AKAP6: variants seen among roughly 807,000 people sequenced by gnomAD.
The protein encoded by AKAP6 is A-kinase anchor protein 6.
Under a neutral mutation model 188.5 loss-of-function variants are expected in AKAP6, and 58 were observed. The observed-to-expected ratio is 0.31, with a 90% CI of 0.25 to 0.38. The LOEUF is 0.38. AKAP6 is among the 10% of genes least tolerant of loss of function. The probability of loss-of-function intolerance (pLI) is 1.00; values close to 1 mark genes in which losing one functional copy is unlikely to be tolerated. For synonymous variants in AKAP6, 989 were observed against 998.6 expected, an observed-to-expected ratio of 0.99 and a Z score of 0.18; for missense variants, 2,710 against 2,740.0, an observed-to-expected ratio of 0.99 and a Z score of 0.24.
intron 7 of AKAP6, among the ~76,000 whole-genome samples, chr14:32,624,127 A>G (rs1886920447): frequency 6.6e-6 from 1 of 152,176 alleles, no homozygotes; most frequent in Non-Finnish European, 1.5e-5. Flanking sequence ...TTAGTATTAG[A>G]AGATATTCAC....
chr14:32,455,648 C>T (rs867456407), intron 2 of AKAP6, among the ~76,000 whole-genome samples: 5 of 152,074 alleles, frequency 3.3e-5, no homozygotes, highest in South Asian at 2.1e-4. Flanking sequence ...AATTTGCTTG[C>T]CCTCTCCTCT....
At chr14:32,477,906 G>C (rs1951193) in intron 2 of AKAP6, among the ~76,000 whole-genome samples, 40,698 of 151,950 alleles carry the variant, frequency 0.27, 5,899 homozygotes, top group Non-Finnish European at 0.31. Flanking sequence ...CCTCATGGAG[G>C]TGCAATGAGC....
intron 11 of AKAP6, among the ~76,000 whole-genome samples, chr14:32,736,522 C>G (rs1016047083): frequency 2.0e-5 from 3 of 152,074 alleles, no homozygotes; most frequent in Admixed American, 2.0e-4. Flanking sequence ...AATGTTTTCC[C>G]CTATTGCCCA....
chr14:32,348,221 G>C (rs1887131853), intron 1 of AKAP6, among the ~76,000 whole-genome samples: 1 of 152,152 alleles, frequency 6.6e-6, no homozygotes, highest in Non-Finnish European at 1.5e-5. Context: ...GCCTATGGCA[G>C]GGATCACCTG....
chr14:32,823,222 G>C lies in AKAP6; in HGVS notation c.5409G>C (p.Gln1803His). 1 of 1,613,696 alleles carries C rather than the reference G, an allele frequency of 6.2e-7. No individual in the cohort carries two copies. Residue 1803 changes from glutamine to histidine, a missense_variant, in exon 13 of 14, where the codon CAG (glutamine) becomes CAC (histidine). Coordinates refer to ENST00000280979, the MANE Select transcript of AKAP6 (RefSeq NM_004274.5). The stretch of plus-strand genomic sequence containing the variant: ...TAGACTACATAAAGAATGAATTACA[G>C]ACCTGGATTAGGCCAAAATTGTCTT... ...SGLDYIKNEL[Q>H]TWIRPKLSLT...
At chr14:32,589,057 T>A (rs1885371166) in intron 5 of AKAP6, among the ~76,000 whole-genome samples, 1 of 152,146 alleles carries the variant, frequency 6.6e-6, no homozygotes, top group Non-Finnish European at 1.5e-5. Context: ...CTGGTGCCCA[T>A]CTCTCCCAGC....
chr14:32,599,320 G>T, intron 5 of AKAP6, 90 bp from the exon 6 acceptor site: 1 of 1,080,044 alleles, frequency 9.3e-7, no homozygotes, highest in South Asian at 1.5e-5. Context: ...GGGCTGTGTG[G>T]TTCTTGATAA....
intron 9 of AKAP6, among the ~76,000 whole-genome samples, chr14:32,704,965 C>A (rs1198237975): frequency 6.6e-6 from 1 of 152,146 alleles, no homozygotes; most frequent in African/African-American, 2.4e-5. Flanking sequence ...ACCTAGGTAA[C>A]GTTTCAGTTA....
chr14:32,495,496 C>T (rs1880263618), intron 2 of AKAP6: 1 of 152,182 alleles, frequency 6.6e-6, no homozygotes, highest in African/African-American at 2.4e-5. Context: ...TCTCAAGCCT[C>T]TCTCCTGCAC....
rs1434389166 is a variant in AKAP6 at position 32,352,095 on chromosome 14, G to GTA, written c.-35+22688_-35+22689insAT. Among the ~76,000 whole-genome samples the GTA allele has an allele frequency of 6.1e-3, 700 of 114,768 alleles. 3 individuals are homozygous for GTA. Among genetic ancestry groups the GTA allele is most frequent in the East Asian group, 0.039 (131 of 3,378 alleles). 75.3% of individuals were successfully genotyped at this position (114,768 alleles called of 152,430 possible). A position where few individuals can be genotyped will look rare whatever the true frequency, so the allele number is the denominator to read the frequency against. ...CCTGTGTGTGTGTGTGTGTGTGTGT[G>GTA]TGTGTGTTTGTGTGTGTGTGTGTGT... On this transcript the variant is annotated intron_variant, in intron 1 of 13. Transcript: ENST00000280979.
chr14:32,567,597 G>A (rs1305296883), intron 4 of AKAP6, among the ~76,000 whole-genome samples: 2 of 151,990 alleles, frequency 1.3e-5, no homozygotes, highest in African/African-American at 4.8e-5. Context: ...ATTCCCTGGA[G>A]GAAATTTAGA....
In AKAP6 at chr14:32,345,855, T is replaced by G. The variant is rs150772894; in HGVS notation, c.-35+16447T>G. ...ATAGCCCTCAGGAGAGTATATTGTA[T>G]AAGAGGGAGAAAGGCATATTTCCCT... On this transcript the variant is annotated intron_variant, in intron 1 of 13. Transcript: ENST00000280979. Among the ~76,000 whole-genome samples, 114 of 152,266 alleles carry G rather than the reference T, an allele frequency of 7.5e-4. 1 individual carries two copies. Among genetic ancestry groups the G allele is most frequent in the South Asian group, 5.8e-3 (28 of 4,814 alleles).
chr14:32,471,532 C>T (rs557824207), intron 2 of AKAP6, among the ~76,000 whole-genome samples: 1 of 152,144 alleles, frequency 6.6e-6, no homozygotes, highest in Admixed American at 6.5e-5. Context: ...AAGTCCATGG[C>T]GAGAGCTGAG....
chr14:32,552,933 T>A (rs915448753), intron 4 of AKAP6, among the ~76,000 whole-genome samples: 1 of 152,042 alleles, frequency 6.6e-6, no homozygotes. Context: ...AAATGGAAAG[T>A]GGAGTCCATT....
intron 2 of AKAP6, among the ~76,000 whole-genome samples, chr14:32,436,360 G>A (rs1319224329): frequency 1.3e-5 from 2 of 152,140 alleles, no homozygotes; most frequent in African/African-American, 2.4e-5. Context: ...CCATCAAAGA[G>A]CTGTTAATCC....
chr14:32,785,521 C>G (rs1318431896), intron 12 of AKAP6, among the ~76,000 whole-genome samples: 1 of 151,986 alleles, frequency 6.6e-6, no homozygotes, highest in Non-Finnish European at 1.5e-5. Context: ...CTATGTAAAA[C>G]TCTCTTGAGT....
At chr14:32,534,635 T>A (rs1488220874) in intron 2 of AKAP6, among the ~76,000 whole-genome samples, 1 of 152,130 alleles carries the variant, frequency 6.6e-6, no homozygotes, top group Non-Finnish European at 1.5e-5. Flanking sequence ...TAAGAGTGAT[T>A]CTGCTTGCAA....
chr14:32,641,047 A>C (rs1288336624), intron 7 of AKAP6, among the ~76,000 whole-genome samples: 1 of 152,152 alleles, frequency 6.6e-6, no homozygotes, highest in Non-Finnish European at 1.5e-5. Flanking sequence ...CATGGATACC[A>C]TATTTAATGA....
intron 12 of AKAP6, among the ~76,000 whole-genome samples, chr14:32,787,583 A>G (rs1181773101): frequency 1.3e-5 from 2 of 152,182 alleles, no homozygotes; most frequent in Non-Finnish European, 2.9e-5. Context: ...ACTTGTGGCA[A>G]TTATTTTTAT....
Sources: gnomAD v4.1 joint callset for allele counts (sites outside exome capture counted in the v4.1 genomes callset) on GRCh38, gnomAD v4.1.1 for gene constraint, MANE v1.5 for transcripts, NCBI Gene and HGNC (gene_info 2026-07-23, HGNC 2026-07-21) for gene names.